EPB41L3: variants seen among roughly 807,000 people sequenced by gnomAD.
The protein encoded by EPB41L3 is band 4.1-like protein 3.
In EPB41L3, 57 loss-of-function variants were observed where a neutral mutation model predicts 127.1. The observed-to-expected ratio is 0.45, with a 90% confidence interval of 0.36 to 0.56. EPB41L3 has a LOEUF of 0.56. Among genes scored for constraint, EPB41L3 ranks in the 20% least tolerant of loss-of-function variants. The pLI is 0.00. For missense variants in EPB41L3, 1,273 were observed against 1,372.2 expected, an observed-to-expected ratio of 0.93 and a Z score of 1.14; for synonymous variants, 572 against 549.5, an observed-to-expected ratio of 1.04 and a Z score of -0.57.
intron 1 of EPB41L3, among the ~76,000 whole-genome samples, chr18:5,496,875 G>T (rs1308923012): frequency 6.6e-6 from 1 of 152,176 alleles, no homozygotes; most frequent in Non-Finnish European, 1.5e-5. Flanking sequence ...GATGAACAAG[G>T]TCTCTGCTGT....
At chr18:5,465,634 A>C (rs1269146678) in intron 3 of EPB41L3, among the ~76,000 whole-genome samples, 1 of 152,178 alleles carries the variant, frequency 6.6e-6, no homozygotes, top group Admixed American at 6.5e-5. Flanking sequence ...GACCCAAAAA[A>C]GGTCCCTGGC....
intron 11 of EPB41L3, chr18:5,420,165 C>T (rs1211927733): frequency 4.0e-6 from 2 of 505,560 alleles, no homozygotes; most frequent in Non-Finnish European, 7.0e-6. Context: ...TTTCATCTAT[C>T]CTCAGACTCT....
At chr18:5,417,765 T>C (rs1363454613) in intron 12 of EPB41L3, among the ~76,000 whole-genome samples, 1 of 152,242 alleles carries the variant, frequency 6.6e-6, no homozygotes, top group African/African-American at 2.4e-5. Flanking sequence ...GAGAGAAGTA[T>C]GTCTTTTCCC....
chr18:5,594,792 C>A (rs2094520984), intron 3 of EPB41L3, among the ~76,000 whole-genome samples: 1 of 152,178 alleles, frequency 6.6e-6, no homozygotes, highest in South Asian at 2.1e-4. Context: ...ACCACTTTCA[C>A]ACAGCCCTAT....
intron 3 of EPB41L3, among the ~76,000 whole-genome samples, chr18:5,466,859 C>T (rs2085088189): frequency 6.6e-6 from 1 of 152,212 alleles, no homozygotes; most frequent in South Asian, 2.1e-4. Context: ...TCCTAAACTT[C>T]CTGAAGGGCC....
intron 1 of EPB41L3, among the ~76,000 whole-genome samples, chr18:5,510,422 G>T (rs2092452794): frequency 6.6e-6 from 1 of 152,194 alleles, no homozygotes; most frequent in African/African-American, 2.4e-5. Context: ...ATAGCCCTAT[G>T]ATCTCAGCTG....
chr18:5,605,691 T>C (rs992271301), intron 3 of EPB41L3, among the ~76,000 whole-genome samples: 1 of 152,160 alleles, frequency 6.6e-6, no homozygotes, highest in Non-Finnish European at 1.5e-5. Flanking sequence ...TCCAAAGTGC[T>C]AGGATTACAA....
At chr18:5,414,550 A>G (rs964325568) in intron 13 of EPB41L3, among the ~76,000 whole-genome samples, 14 of 152,194 alleles carry the variant, frequency 9.2e-5, no homozygotes, top group African/African-American at 3.4e-4. Context: ...GCACAGATTT[A>G]GACTTTCTTT....
intron 11 of EPB41L3, among the ~76,000 whole-genome samples, chr18:5,421,714 A>C (rs914901725): frequency 1.3e-5 from 2 of 152,200 alleles, no homozygotes; most frequent in Non-Finnish European, 2.9e-5. Context: ...GAAGTAACTG[A>C]GGAATGAAAA....
intron 3 of EPB41L3, among the ~76,000 whole-genome samples, chr18:5,607,101 A>G (rs1349746244): frequency 6.6e-6 from 1 of 152,242 alleles, no homozygotes; most frequent in Non-Finnish European, 1.5e-5. Context: ...TGACACCCAC[A>G]TATGATCAAC....
At position 5,423,549 on chromosome 18, in the gene EPB41L3, G is replaced by T. The variant is rs777272293; in HGVS notation, c.1168C>A (p.Leu390Met). 1.2e-6 allele frequency: 2 copies of T among 1,602,904 alleles called. No homozygotes were observed. Among genetic ancestry groups the T allele is most frequent in the Non-Finnish European group, 1.7e-6 (2 of 1,172,852 alleles). Residue 390 changes from leucine (L) to methionine (M), a missense_variant, in exon 11 of 23, where the codon CTG (leucine) becomes ATG (methionine). Transcript: ENST00000341928. ...TTCTTGGGAGGTGCTTCTGGTAACA[G>T]TAGTCTAAAGAGAATAAAGAAAAAC... ...CVEHHTFFRL[L>M]LPEAPPKKFL...
At chr18:5,495,528 C>T (rs2091079819) in intron 1 of EPB41L3, among the ~76,000 whole-genome samples, 1 of 151,520 alleles carries the variant, frequency 6.6e-6, no homozygotes, top group African/African-American at 2.4e-5. Context: ...GTGTTGAGAA[C>T]ACAGCCCAGA....
intron 1 of EPB41L3, among the ~76,000 whole-genome samples, chr18:5,538,106 T>C (rs558053213): frequency 1.3e-5 from 2 of 152,364 alleles, no homozygotes; most frequent in African/African-American, 4.8e-5. Context: ...ATTTTCTTCT[T>C]ATCTAAAGAA....
In EPB41L3 at chr18:5,406,776, C is replaced by A; in HGVS notation, c.2349+1G>T. On this transcript the variant is annotated splice_donor_variant, in intron 16 of 22. Transcript: ENST00000341928. LOFTEE classifies it high-confidence loss of function. ...GTCTGACCACAAACCTGACTACTGACCTCTTCAGGGACAAGTGGTTCGATC... is the reference window on the plus strand; with the variant it reads ...GTCTGACCACAAACCTGACTACTGAACTCTTCAGGGACAAGTGGTTCGATC... The A allele has an allele frequency of 6.2e-7, 1 of 1,612,578 alleles. No homozygotes were observed. The highest frequency in any genetic ancestry group is 1.1e-5 in the South Asian group (1 of 90,990).
chr18:5,453,474 G>A (rs978261683), intron 3 of EPB41L3, among the ~76,000 whole-genome samples: 11 of 152,040 alleles, frequency 7.2e-5, no homozygotes, highest in Admixed American at 1.3e-4. Flanking sequence ...AGACAATAAC[G>A]TTGAAAAATG....
upstream of EPB41L3, chr18:5,544,194 G>C (rs138850210): frequency 1.9e-4 from 186 of 985,512 alleles, no homozygotes; most frequent in African/African-American, 3.1e-3. Context: ...ACAGTTACAT[G>C]GGCACAGCCT....
intron 1 of EPB41L3, among the ~76,000 whole-genome samples, chr18:5,493,333 G>A (rs9963454): frequency 0.11 from 16,819 of 152,102 alleles, 1,905 homozygotes; most frequent in African/African-American, 0.28. Context: ...AAAAGAAAAC[G>A]TCTTCGTACC....
intron 1 of EPB41L3, among the ~76,000 whole-genome samples, chr18:5,616,973 T>C (rs2094802428): frequency 6.6e-6 from 1 of 151,606 alleles, no homozygotes. Flanking sequence ...AGTTTATCTA[T>C]AATATATAAT....
chr18:5,480,714 C>T (rs1415816691), intron 2 of EPB41L3, among the ~76,000 whole-genome samples: 2 of 152,156 alleles, frequency 1.3e-5, no homozygotes, highest in Non-Finnish European at 1.5e-5. Flanking sequence ...AAAACAATGA[C>T]TAGAAGAGAC....
Sources: gnomAD v4.1 joint callset for allele counts (sites outside exome capture counted in the v4.1 genomes callset) on GRCh38, gnomAD v4.1.1 for gene constraint, MANE v1.5 for transcripts, NCBI Gene and HGNC (gene_info 2026-07-23, HGNC 2026-07-21) for gene names.